Variants in ACSS2 observed in about 807,000 individuals in gnomAD.
ACSS2 encodes acetyl-coenzyme A synthetase, cytoplasmic.
Under a neutral mutation model 90.6 loss-of-function variants are expected in ACSS2, and 58 were observed. The ratio of observed to expected loss-of-function variants is 0.64; its 90% confidence interval spans 0.52 to 0.80. The LOEUF (loss-of-function observed/expected upper bound fraction) is 0.80, where lower values mean the gene tolerates loss of function less well. Among genes scored for constraint, ACSS2 ranks in the 30% least tolerant of loss-of-function variants. The pLI is 0.00. For missense variants in ACSS2, 759 were observed against 912.0 expected, an observed-to-expected ratio of 0.83 and a Z score of 2.16; for synonymous variants, 300 against 330.9, an observed-to-expected ratio of 0.91 and a Z score of 1.01.
chr20:34,911,806 T>C (rs1051691283), intron 2 of ACSS2, among the ~76,000 whole-genome samples: 15 of 152,188 alleles, frequency 9.9e-5, no homozygotes, highest in African/African-American at 3.6e-4. Context: ...TGTTGTTCAT[T>C]GGTGCCTTAT....
At chr20:34,914,588 G>T in intron 7 of ACSS2, 151 bp downstream of exon 7, 1 of 683,812 alleles carries the variant, frequency 1.5e-6, no homozygotes, top group Non-Finnish European at 2.4e-6. Flanking sequence ...GGGCTAGGTG[G>T]GAACTGGAAG....
At chr20:34,884,374 C>G (rs2080138767) in intron 2 of ACSS2, among the ~76,000 whole-genome samples, 1 of 152,170 alleles carries the variant, frequency 6.6e-6, no homozygotes, top group South Asian at 2.1e-4. Context: ...GAGCCTTAAC[C>G]TGAGAGACAA....
At chr20:34,901,862 C>A (rs1306285816) in intron 2 of ACSS2, among the ~76,000 whole-genome samples, 3 of 152,156 alleles carry the variant, frequency 2.0e-5, no homozygotes, top group African/African-American at 7.2e-5. Flanking sequence ...GCATTATTAA[C>A]ACTATCTGAC....
intron 2 of ACSS2, among the ~76,000 whole-genome samples, chr20:34,887,029 A>C (rs1394199651): frequency 6.6e-6 from 1 of 152,240 alleles, no homozygotes; most frequent in African/African-American, 2.4e-5. Flanking sequence ...ATAGAACCAT[A>C]TTAAGGAATA....
At chr20:34,903,214 C>T (rs144485022) in intron 2 of ACSS2, among the ~76,000 whole-genome samples, 5,234 of 151,940 alleles carry the variant, frequency 0.034, 302 homozygotes, top group African/African-American at 0.12. Flanking sequence ...TGGTGGCATG[C>T]ACCTGTGGTC....
chr20:34,921,800 T>C lies in ACSS2; in HGVS notation c.1482T>C (p.Phe494=), dbSNP rs770611614. 6.2e-7 allele frequency: 1 copy of C among 1,613,884 alleles called. No individual in the cohort carries two copies. The highest frequency in any genetic ancestry group is 8.5e-7 in the Non-Finnish European group (1 of 1,179,916). The change falls in exon 13 of 18, where the codon TTT becomes TTC. Residue 494 remains phenylalanine (F), a synonymous_variant. Transcript: ENST00000360596. The part of the protein sequence containing the change: ...MKPGSATFPF[F]GVAPAILNES... The stretch of plus-strand genomic sequence containing the variant: ...TTTGCTTCTAGACTTTCCCATTCTT[T>C]GGTGTAGCTCCTGCAATCCTGAATG...
chr20:34,878,032 C>T (rs2079971000), intron 1 of ACSS2, among the ~76,000 whole-genome samples: 1 of 152,158 alleles, frequency 6.6e-6, no homozygotes, highest in South Asian at 2.1e-4. Context: ...CTCCTGGGCT[C>T]ATGCGATCTT....
At chr20:34,908,673 C>A in intron 2 of ACSS2, 1 of 244,042 alleles carries the variant, frequency 4.1e-6, no homozygotes, top group South Asian at 4.3e-5. Context: ...ACCAACCTGA[C>A]CAACATGGTG....
At chr20:34,878,694 T>A (rs953495164) in intron 1 of ACSS2, among the ~76,000 whole-genome samples, 1 of 152,124 alleles carries the variant, frequency 6.6e-6, no homozygotes, top group Admixed American at 6.5e-5. Context: ...TTTCACCAAA[T>A]TCCATCAAAT....
At chr20:34,913,031 T>G (rs970097273) in intron 2 of ACSS2, 65 bp from the exon 3 acceptor site, 1 of 1,242,482 alleles carries the variant, frequency 8.0e-7, no homozygotes, top group African/African-American at 1.5e-5. Flanking sequence ...TTTATGACTC[T>G]GCCTGTTTCT....
At chr20:34,881,495 G>T (rs542992698) in intron 1 of ACSS2, among the ~76,000 whole-genome samples, 6 of 152,190 alleles carry the variant, frequency 3.9e-5, no homozygotes, top group African/African-American at 1.4e-4. Context: ...AATTTTCATT[G>T]CTCTTGGGAT....
intron 8 of ACSS2, 76 bp downstream of exon 8, chr20:34,919,648 T>C: frequency 6.7e-7 from 1 of 1,499,026 alleles, no homozygotes. Flanking sequence ...AGTAAGTTTC[T>C]GAGGAAACAA....
rs1172046978 is a variant in ACSS2 at position 34,919,529 on chromosome 20, C to T, written c.929C>T (p.Pro310Leu). The T allele has an allele frequency of 1.9e-6, 3 of 1,612,044 alleles. No individual in the cohort carries two copies. Among genetic ancestry groups the T allele is most frequent in the Non-Finnish European group, 2.5e-6 (3 of 1,179,986 alleles). ...CEPEWCDAED[P>L]LFILYTSGST... ...CCCGAGTGGTGTGATGCCGAGGACC[C>T]ACTCTTCATCCTGTACACCAGTGGC... The change falls in exon 8 of 18, where the codon CCA (proline) becomes CTA (leucine). Residue 310 changes from proline (P) to leucine (L), a missense_variant. By Grantham distance (98) the Pro-to-Leu change is moderately conservative. Coordinates refer to ENST00000360596, the MANE Select transcript of ACSS2 (RefSeq NM_018677.4).
chr20:34,925,612 A>G (rs1167571752), intron 14 of ACSS2, 86 bp from the exon 15 acceptor site: 2 of 1,416,820 alleles, frequency 1.4e-6, no homozygotes, highest in African/African-American at 1.4e-5. Context: ...TTAGAAGGCT[A>G]TTGCAGAAGG....
intron 2 of ACSS2, among the ~76,000 whole-genome samples, chr20:34,886,539 G>C (rs867071137): frequency 5.9e-5 from 9 of 152,080 alleles, no homozygotes; most frequent in African/African-American, 2.2e-4. Flanking sequence ...CAGAAGAATC[G>C]CGTGAACCTG....
rs778562096 is a variant in ACSS2, at chr20:34,882,787, G to C, written c.179-7G>C. 16 of 1,610,950 alleles carry C rather than the reference G, an allele frequency of 9.9e-6. No individual in the cohort carries two copies. Among genetic ancestry groups the C allele is most frequent in the Non-Finnish European group, 1.4e-5 (16 of 1,179,084 alleles). On this transcript the variant is annotated splice_polypyrimidine_tract_variant and splice_region_variant and intron_variant, in intron 1 of 17. Coordinates refer to ENST00000360596, the MANE Select transcript of ACSS2 (RefSeq NM_018677.4). ...TAATGATATCTGGGCTTCCATTTCT[G>C]TTGCAGAATTCTGGGGAGACATTGC...
intron 2 of ACSS2, among the ~76,000 whole-genome samples, chr20:34,901,534 G>A (rs1378103380): frequency 6.6e-6 from 1 of 152,226 alleles, no homozygotes; most frequent in African/African-American, 2.4e-5. Flanking sequence ...ATTAGTCAAG[G>A]TACATTGCTC....
chr20:34,893,968 G>A (rs556017519), intron 2 of ACSS2, among the ~76,000 whole-genome samples: 10 of 152,124 alleles, frequency 6.6e-5, no homozygotes, highest in African/African-American at 1.4e-4. Flanking sequence ...AGAGTTGCCC[G>A]TACAGAAAAC....
At chr20:34,906,808 C>A (rs1023835991) in intron 2 of ACSS2, among the ~76,000 whole-genome samples, 1 of 151,794 alleles carries the variant, frequency 6.6e-6, no homozygotes, top group African/African-American at 2.4e-5. Context: ...CATCTTGAAA[C>A]CCCGTCTCTA....
Sources: gnomAD v4.1 joint callset for allele counts (sites outside exome capture counted in the v4.1 genomes callset) on GRCh38, gnomAD v4.1.1 for gene constraint, MANE v1.5 for transcripts, NCBI Gene and HGNC (gene_info 2026-07-23, HGNC 2026-07-21) for gene names.